The following ALPG variants were observed in gnomAD, a reference collection of about 807,000 sequenced individuals.
ALPG encodes alkaline phosphatase, germ cell.
A neutral mutation model predicts 48.6 loss-of-function variants in ALPG; 32 were observed. The observed-to-expected ratio is 0.66, with a 90% CI of 0.50 to 0.88. The LOEUF (loss-of-function observed/expected upper bound fraction) is 0.88, where lower values mean the gene tolerates loss of function less well. Ranked by LOEUF, ALPG falls within the 40% of genes least tolerant of loss-of-function variation. ALPG has a pLI of 0.00. For missense variants in ALPG, 533 were observed against 718.1 expected (o/e 0.74, Z 2.95); for synonymous variants, 244 against 308.9 (o/e 0.79, Z 2.20).
chr2:232,408,114 C>A, intron 5 of ALPG, 97 bp downstream of exon 5: 1 of 1,565,804 alleles, frequency 6.4e-7, no homozygotes, highest in Non-Finnish European at 8.6e-7. Flanking sequence ...TCTGGGCCAG[C>A]AGGGTCTGGA....
chr2:232,406,941 T>C lies in ALPG; in HGVS notation c.47T>C (p.Leu16Pro). 6.2e-7 allele frequency: 1 copy of C among 1,612,284 alleles called. No individual in the cohort carries two copies. The change falls in exon 1 of 11, where the codon CTC (leucine) becomes CCC (proline). Residue 16 changes from leucine to proline, a missense_variant. Leu to Pro is a moderately conservative substitution (Grantham distance 98). This residue lies in a region of ALPG where 315 missense variants were observed against 305.8 expected (regional missense o/e 1.03). Coordinates refer to ENST00000295453, the MANE Select transcript of ALPG (RefSeq NM_031313.3). ...VLLLLGLRLQ[L>P]SLGIIPVEEE... The stretch of plus-strand genomic sequence containing the variant: ...CTCCTGCTGGGCCTGAGGCTACAGC[T>C]CTCCCTGGGCATCATCCCAGGTAAT...
chr2:232,407,582 C>T lies in ALPG; in HGVS notation c.301-12C>T. On this transcript the variant is annotated splice_polypyrimidine_tract_variant and intron_variant, in intron 3 of 10. Transcript: ENST00000295453. Reference sequence around the variant, plus strand: ...TGCCCCAGAGAAGAGCTCAGAGTGTCTCTGTCCCCAGACATACAGTGTAGA... The same window carrying T: ...TGCCCCAGAGAAGAGCTCAGAGTGTTTCTGTCCCCAGACATACAGTGTAGA... The T allele has an allele frequency of 1.9e-6, 3 of 1,613,704 alleles. No individual in the cohort carries two copies. The highest frequency in any genetic ancestry group is 2.5e-6 in the Non-Finnish European group (3 of 1,179,982).
chr2:232,408,047 G>A (rs375443589), intron 5 of ALPG, 30 bp downstream of exon 5: 127 of 1,594,166 alleles, frequency 8.0e-5, no homozygotes, highest in Admixed American at 3.5e-4. Context: ...GGCTGGGGCT[G>A]GGCAGAGAGT....
chr2:232,407,488 G>T (rs1697107452), intron 3 of ALPG, 87 bp downstream of exon 3: 3 of 1,590,168 alleles, frequency 1.9e-6, no homozygotes, highest in South Asian at 1.1e-5. Context: ...ACCCTAAACA[G>T]CTGGGGCTCC....
At chr2:232,409,235 C>T (rs573331017) in intron 9 of ALPG, 97 bp from the exon 10 acceptor site, 1 of 1,602,256 alleles carries the variant, frequency 6.2e-7, no homozygotes, top group Admixed American at 1.7e-5. Flanking sequence ...CTCCTGCGGA[C>T]TAAGCCCCTG....
In ALPG at chr2:232,409,695, G is replaced by C; in HGVS notation, c.1422G>C (p.Gln474His). ...ACCTGGTTCACGGCGTGCAGGAGCA[G>C]ACCTTCATAGCGCACGTCATGGCCT... ...QAHLVHGVQEQTFIAHVMAFA... is the reference protein window; with the variant it reads ...QAHLVHGVQEHTFIAHVMAFA... Residue 474 changes from glutamine (Q) to histidine (H), a missense_variant, in exon 11 of 11, where the codon CAG (glutamine) becomes CAC (histidine). Physicochemically the swap from Gln to His is conservative, Grantham distance 24. Transcript: ENST00000295453. The C allele has an allele frequency of 1.2e-6, 2 of 1,611,512 alleles. No homozygotes were observed. The highest frequency in any genetic ancestry group is 1.7e-6 in the Non-Finnish European group (2 of 1,179,152).
At chr2:232,408,067 G>T (rs764423561) in intron 5 of ALPG, 50 bp downstream of exon 5, 4 of 1,582,114 alleles carry the variant, frequency 2.5e-6, no homozygotes, top group African/African-American at 2.7e-5. Flanking sequence ...TAGCAGGGAG[G>T]GGGCACCAGC....
Position 232,410,046 on chromosome 2 carries a change from C to T in ALPG, c.*174C>T, listed in dbSNP as rs143223538. The T allele has an allele frequency of 3.5e-5, 36 of 1,035,578 alleles. No homozygotes were observed. Among genetic ancestry groups the T allele is most frequent in the African/African-American group, 2.1e-4 (13 of 61,460 alleles). 64.1% of individuals were successfully genotyped at this position (1,035,578 alleles called of 1,614,324 possible). A position where few individuals can be genotyped will look rare whatever the true frequency, so the allele number is the denominator to read the frequency against. On this transcript the variant is annotated 3_prime_UTR_variant, in exon 11 of 11. Coordinates refer to ENST00000295453, the MANE Select transcript of ALPG (RefSeq NM_031313.3). ...CCTGGGGACCGAGCCCTTGACACCACGCCCTTTGCTTTATCTTGCTCTTGA... is the reference window on the plus strand; with the variant it reads ...CCTGGGGACCGAGCCCTTGACACCATGCCCTTTGCTTTATCTTGCTCTTGA...
chr2:232,407,514 G>A (rs1697108028), intron 3 of ALPG, 80 bp from the exon 4 acceptor site: 1 of 1,598,092 alleles, frequency 6.3e-7, no homozygotes, highest in African/African-American at 1.3e-5. Flanking sequence ...GGAGCTGGAG[G>A]CAGTTGGAAT....
Position 232,407,865 on chromosome 2 carries a change from A to G in ALPG, c.496A>G (p.Thr166Ala), listed in dbSNP as rs1462634871. The G allele has an allele frequency of 1.2e-6, 2 of 1,613,350 alleles. No individual in the cohort carries two copies. Among genetic ancestry groups the G allele is most frequent in the Non-Finnish European group, 1.7e-6 (2 of 1,180,008 alleles). Residue 166 changes from threonine (T) to alanine (A), a missense_variant, in exon 5 of 11, where the codon ACC becomes GCC. Thr to Ala is a moderately conservative substitution (Grantham distance 58, BLOSUM62 0). Around this residue, in one of 6 missense-constraint regions of ALPG, gnomAD observed 315 missense variants for 305.8 expected, o/e 1.03. Coordinates refer to ENST00000295453, the MANE Select transcript of ALPG (RefSeq NM_031313.3). ...KKAGKSVGVV[T>A]TTRVQHASPA... The stretch of plus-strand genomic sequence containing the variant: ...CTCAGGAAAGTCAGTGGGAGTGGTA[A>G]CCACCACACGGGTGCAGCATGCCTC...
Position 232,407,891 on chromosome 2 carries a change from G to A in ALPG, c.522G>A (p.Ser174=), listed in dbSNP as rs140999297. 30 of 1,613,340 alleles carry A rather than the reference G, an allele frequency of 1.9e-5. No homozygotes were observed. In the South Asian group the frequency reaches 2.7e-4, roughly 15 times the overall value. Reference sequence around the variant, plus strand: ...CCACCACACGGGTGCAGCATGCCTCGCCAGCCGGCGCCTACGCCCACACGG... The same window carrying A: ...CCACCACACGGGTGCAGCATGCCTCACCAGCCGGCGCCTACGCCCACACGG... ...VVTTTRVQHA[S]PAGAYAHTVN... Residue 174 remains serine (S), a synonymous_variant, in exon 5 of 11, where the codon TCG becomes TCA. Transcript: ENST00000295453.
Position 232,408,273 on chromosome 2 carries a change from C to T in ALPG, c.655C>T (p.Leu219=), listed in dbSNP as rs759602594. 5 of 1,613,498 alleles carry T rather than the reference C, an allele frequency of 3.1e-6. No individual in the cohort carries two copies. The East Asian group carries it at 6.7e-5, about 22-fold the overall frequency. ...CCCCATCCTCTGTTCCCAGGTGATC[C>T]TAGGTGGAGGCCGAAAGTACATGTT... is the stretch of plus-strand genomic sequence containing the variant. ...LISNMDIDVI[L]GGGRKYMFPM... Residue 219 remains leucine, a synonymous_variant, in exon 6 of 11, where the codon CTA becomes TTA. Transcript: ENST00000295453.
At position 232,406,947 on chromosome 2, in the gene ALPG, T is replaced by C; in HGVS notation, c.53T>C (p.Leu18Pro). The part of the protein sequence containing the change: ...LLLGLRLQLS[L>P]GIIPVEEENP... Reference sequence around the variant, plus strand: ...CTGGGCCTGAGGCTACAGCTCTCCCTGGGCATCATCCCAGGTAATGAGGCT... The same window carrying C: ...CTGGGCCTGAGGCTACAGCTCTCCCCGGGCATCATCCCAGGTAATGAGGCT... Residue 18 changes from leucine to proline, a missense_variant, in exon 1 of 11, where the codon CTG becomes CCG. This residue lies in a region of ALPG where 315 missense variants were observed against 305.8 expected (regional missense o/e 1.03). Transcript: ENST00000295453. 2 of 1,612,788 alleles carry C rather than the reference T, an allele frequency of 1.2e-6. No individual in the cohort carries two copies. Among genetic ancestry groups the C allele is most frequent in the Non-Finnish European group, 1.7e-6 (2 of 1,179,758 alleles).
Position 232,407,695 on chromosome 2 carries a change from C to T in ALPG, c.402C>T (p.Ala134=), listed in dbSNP as rs766736978. Residue 134 remains alanine, a synonymous_variant, in exon 4 of 11, where the codon GCC becomes GCT. Coordinates refer to ENST00000295453, the MANE Select transcript of ALPG (RefSeq NM_031313.3). ...TCCAGACCATTGGCTTGAGTGCAGC[C>T]GCCCGCTTTAACCAGTGCAACACGA... The part of the protein sequence containing the change: ...GNFQTIGLSA[A]ARFNQCNTTR... 4.0e-5 allele frequency: 65 copies of T among 1,613,666 alleles called. No individual in the cohort carries two copies. The highest frequency in any genetic ancestry group is 5.3e-5 in the Non-Finnish European group (63 of 1,180,004).
Position 232,407,655 on chromosome 2 carries a change from G to T in ALPG, c.362G>T (p.Gly121Val), listed in dbSNP as rs1292553531. ...SGATATAYLC[G>V]VKGNFQTIGL... Reference sequence around the variant, plus strand: ...GCCACAGCCACGGCCTACCTGTGCGGGGTCAAGGGCAACTTCCAGACCATT... The same window carrying T: ...GCCACAGCCACGGCCTACCTGTGCGTGGTCAAGGGCAACTTCCAGACCATT... The change falls in exon 4 of 11, where the codon GGG (glycine) becomes GTG (valine). Residue 121 changes from glycine to valine, a missense_variant. Around this residue, in one of 6 missense-constraint regions of ALPG, gnomAD observed 315 missense variants for 305.8 expected, o/e 1.03. Transcript: ENST00000295453. 1 of 1,613,944 alleles carries T rather than the reference G, an allele frequency of 6.2e-7. No homozygotes were observed. The highest frequency in any genetic ancestry group is 2.2e-5 in the East Asian group (1 of 44,886).
chr2:232,409,831 G>T lies in ALPG; in HGVS notation c.1558G>T (p.Ala520Ser), dbSNP rs1306983976. ...SVVPALLPLL[A>S]GTLLLLGTAT... The stretch of plus-strand genomic sequence containing the variant: ...GGTCCCCGCGTTGCTTCCTCTGCTG[G>T]CAGGGACCTTGCTGCTGCTGGGGAC... Residue 520 changes from alanine to serine, a missense_variant, in exon 11 of 11, where the codon GCA becomes TCA. By Grantham distance (99) the Ala-to-Ser change is moderately conservative. Around this residue, in one of 6 missense-constraint regions of ALPG, gnomAD observed 145 missense variants for 174.3 expected, o/e 0.83. Transcript: ENST00000295453. The T allele has an allele frequency of 1.3e-6, 2 of 1,589,004 alleles. No individual in the cohort carries two copies. The highest frequency in any genetic ancestry group is 1.8e-5 in the Admixed American group (1 of 56,610).
In ALPG at chr2:232,409,971, G is replaced by T. The variant is rs1384261117; in HGVS notation, c.*99G>T. 17 of 1,445,494 alleles carry T rather than the reference G, an allele frequency of 1.2e-5. No individual in the cohort carries two copies. Among genetic ancestry groups the T allele is most frequent in the Non-Finnish European group, 1.5e-5 (17 of 1,102,664 alleles). The allele number at this position is 1,445,494 out of a possible 1,614,324, so 89.5% of individuals were successfully genotyped here. On this transcript the variant is annotated 3_prime_UTR_variant, in exon 11 of 11. Transcript: ENST00000295453. ...ACCTCCACCTGGAGCTGTCACCCCC[G>T]GAGTCGCCACACAGACGTCCTGCCA...
chr2:232,407,243 G>A, intron 2 of ALPG, 43 bp from the exon 3 acceptor site: 1 of 1,613,916 alleles, frequency 6.2e-7, no homozygotes. Flanking sequence ...GTGGTTCCAG[G>A]ACAGCCCTGG....
In ALPG at chr2:232,409,977, G is replaced by T. The variant is rs567532177; in HGVS notation, c.*105G>T. The T allele has an allele frequency of 7.0e-7, 1 of 1,433,614 alleles. No homozygotes were observed. The highest frequency in any genetic ancestry group is 2.7e-5 in the Admixed American group (1 of 37,474). 88.8% of individuals were successfully genotyped at this position (1,433,614 alleles called of 1,614,324 possible). A position where few individuals can be genotyped will look rare whatever the true frequency, so the allele number is the denominator to read the frequency against. On this transcript the variant is annotated 3_prime_UTR_variant, in exon 11 of 11. Transcript: ENST00000295453. ...ACCTGGAGCTGTCACCCCCGGAGTC[G>T]CCACACAGACGTCCTGCCATGGAAC...
Sources: allele counts gnomAD v4.1 joint callset, GRCh38; gene constraint gnomAD v4.1.1; regional missense constraint gnomAD v4.1.1; transcripts MANE v1.5; gene names NCBI Gene and HGNC (gene_info 2026-07-23, HGNC 2026-07-21).